Variants in NUMB observed in about 807,000 individuals in gnomAD.
NUMB encodes protein numb homolog.
In NUMB, 29 loss-of-function variants were observed where a neutral mutation model predicts 59.7. That is an observed-to-expected ratio of 0.49 (90% CI 0.36 to 0.66). NUMB has a LOEUF of 0.66. Ranked by LOEUF, NUMB falls within the 30% of genes least tolerant of loss-of-function variation. NUMB has a pLI of 0.00. For synonymous variants in NUMB, 288 were observed against 288.2 expected (o/e 1.00, Z 0.01); for missense variants, 723 against 822.0 (o/e 0.88, Z 1.47).
intron 1 of NUMB, among the ~76,000 whole-genome samples, chr14:73,450,958 C>A (rs894578843): frequency 5.3e-5 from 8 of 151,870 alleles, no homozygotes; most frequent in Non-Finnish European, 1.0e-4. Flanking sequence ...TCAAGACTAG[C>A]CTGAGCAACA....
chr14:73,276,598 T>A lies in NUMB; in HGVS notation c.1936A>T (p.Thr646Ser). Residue 646 changes from threonine (T) to serine (S), a missense_variant, in exon 13 of 13, where the codon ACG (threonine) becomes TCG (serine). Around this residue, in one of 2 missense-constraint regions of NUMB, gnomAD observed 406 missense variants for 385.4 expected, o/e 1.05. Coordinates refer to ENST00000555238, the MANE Select transcript of NUMB (RefSeq NM_001005743.2). ...TNPFSSDLQK[T>S]FEIEL ...ATTGCTTAAAGTTCAATTTCAAACG[T>A]CTTCTGTAAGTCACTGGAGAAAGGG... is the stretch of plus-strand genomic sequence containing the variant. 6.8e-6 allele frequency: 11 copies of A among 1,612,650 alleles called. No individual in the cohort carries two copies. The highest frequency in any genetic ancestry group is 9.3e-6 in the Non-Finnish European group (11 of 1,178,874).
chr14:73,406,279 G>A (rs1436209852), intron 2 of NUMB, among the ~76,000 whole-genome samples: 1 of 127,250 alleles, frequency 7.9e-6, no homozygotes, highest in Non-Finnish European at 1.6e-5. Flanking sequence ...GGTGTGTGAT[G>A]TTCCCCTTCC....
rs1206117998 is a variant in NUMB at position 73,327,197 on chromosome 14, GT to G, written c.127-3994del. Among the ~76,000 whole-genome samples the G allele has an allele frequency of 1.2e-4, 19 of 152,076 alleles. 1 individual carries two copies. Among genetic ancestry groups the G allele is most frequent in the Admixed American group, 1.1e-3 (17 of 15,256 alleles). On this transcript the variant is annotated intron_variant, in intron 4 of 12. Coordinates refer to ENST00000555238, the MANE Select transcript of NUMB (RefSeq NM_001005743.2). Reference sequence around the variant, plus strand: ...GACTCAGTGAAAACATCTAAAATAAGTTCATCATTATTCATACTTTCTCATT... The same window carrying G: ...GACTCAGTGAAAACATCTAAAATAAGTCATCATTATTCATACTTTCTCATT...
At chr14:73,352,068 T>C (rs964508312) in intron 4 of NUMB, among the ~76,000 whole-genome samples, 3 of 152,018 alleles carry the variant, frequency 2.0e-5, no homozygotes, top group Non-Finnish European at 2.9e-5. Flanking sequence ...TAATAAATAA[T>C]GAAAAGAACA....
chr14:73,421,336 C>T (rs925239873), intron 1 of NUMB, among the ~76,000 whole-genome samples: 9 of 152,022 alleles, frequency 5.9e-5, no homozygotes, highest in African/African-American at 2.2e-4. Context: ...AGGCATGCAC[C>T]ACTGCGCCCA....
chr14:73,313,682 A>G (rs901673383), intron 6 of NUMB, among the ~76,000 whole-genome samples: 3 of 151,018 alleles, frequency 2.0e-5, no homozygotes, highest in African/African-American at 7.3e-5. Context: ...AAAAAAAAAA[A>G]AAATCCAAAA....
At chr14:73,414,215 CG>C (rs1897023478) in intron 1 of NUMB, among the ~76,000 whole-genome samples, 1 of 152,082 alleles carries the variant, frequency 6.6e-6, no homozygotes, top group Non-Finnish European at 1.5e-5. Flanking sequence ...CTCAGCCTCC[CG>C]AAGTGCTGGG....
Position 73,279,534 on chromosome 14 carries a change from G to C in NUMB, c.1097-110C>G, listed in dbSNP as rs568100959. 1.1e-3 allele frequency: 1,111 copies of C among 1,031,346 alleles called. 3 individuals are homozygous for C. Among genetic ancestry groups the C allele is most frequent in the Non-Finnish European group, 1.4e-3 (1,002 of 732,972 alleles). The allele number at this position is 1,031,346 out of a possible 1,614,324, so 63.9% of individuals were successfully genotyped here. A position where few individuals can be genotyped will look rare whatever the true frequency, so the allele number is the denominator to read the frequency against. On this transcript the variant is annotated intron_variant, in intron 11 of 12. Transcript: ENST00000555238. ...TGTACAATACTGGTGGAATGGATAA[G>C]AGAGAAGAGTTGATGTTTGGGAAAA...
chr14:73,364,376 C>A (rs910988057), intron 3 of NUMB, among the ~76,000 whole-genome samples: 4 of 151,886 alleles, frequency 2.6e-5, no homozygotes, highest in Non-Finnish European at 4.4e-5. Flanking sequence ...TGGTGATGCC[C>A]GCTTATAGTC....
intron 8 of NUMB, among the ~76,000 whole-genome samples, chr14:73,291,182 G>A (rs1889368959): frequency 6.6e-6 from 1 of 150,830 alleles, no homozygotes; most frequent in African/African-American, 2.4e-5. Flanking sequence ...CTGGGTTCAA[G>A]CGATTCTCGT....
At chr14:73,380,854 A>G (rs1895201603) in intron 2 of NUMB, among the ~76,000 whole-genome samples, 1 of 151,406 alleles carries the variant, frequency 6.6e-6, no homozygotes. Context: ...CCTCCCAAGT[A>G]GCTGGGATTA....
At chr14:73,414,677 G>A (rs551792573) in intron 1 of NUMB, among the ~76,000 whole-genome samples, 1 of 151,992 alleles carries the variant, frequency 6.6e-6, no homozygotes, top group Admixed American at 6.6e-5. Flanking sequence ...ATGAACCATC[G>A]TGCCTGGCCC....
chr14:73,358,602 CTTTTTTTTT>C (rs35552161), intron 3 of NUMB, among the ~76,000 whole-genome samples: 6 of 118,940 alleles, frequency 5.0e-5, no homozygotes, highest in Non-Finnish European at 8.8e-5. Flanking sequence ...GAAAGCTAGA[CTTTTTTTTT>C]TTTTTTTTTT....
rs1891661188 is a variant in NUMB at position 73,326,357 on chromosome 14, TG to T, written c.127-3154del. Reference sequence around the variant, plus strand: ...AAACTAAACTGATGGCCGGTCGCGGTGGGTCACGCCTGTAATCCCAGCACTT... The same window carrying T: ...AAACTAAACTGATGGCCGGTCGCGGTGGTCACGCCTGTAATCCCAGCACTT... On this transcript the variant is annotated intron_variant, in intron 4 of 12. Transcript: ENST00000555238. Among the ~76,000 whole-genome samples the T allele has an allele frequency of 2.6e-5, 4 of 152,222 alleles. No homozygotes were observed. The South Asian group carries it at 8.3e-4, about 32-fold the overall frequency.
intron 1 of NUMB, among the ~76,000 whole-genome samples, chr14:73,449,186 T>C (rs1883754356): frequency 6.6e-6 from 1 of 152,166 alleles, no homozygotes; most frequent in Non-Finnish European, 1.5e-5. Flanking sequence ...ATATTAAGTA[T>C]TATAATTAAT....
chr14:73,367,346 T>TAGAGAGAG lies in NUMB; in HGVS notation c.-100-366_-100-365insCTCTCTCT, dbSNP rs1288750867. On this transcript the variant is annotated intron_variant, in intron 2 of 12. Coordinates refer to ENST00000555238, the MANE Select transcript of NUMB (RefSeq NM_001005743.2). ...ACATATATACATATATATATATATA[T>TAGAGAGAG]ATAGAGAGAGAGAGAGAGAGAGAGA... 8.3e-3 allele frequency among the ~76,000 whole-genome samples: 760 copies of TAGAGAGAG among 91,190 alleles called. 5 individuals carry two copies. Among genetic ancestry groups the TAGAGAGAG allele is most frequent in the East Asian group, 0.039 (123 of 3,114 alleles). The allele number at this position is 91,190 out of a possible 152,430, so 59.8% of individuals were successfully genotyped here.
Position 73,335,432 on chromosome 14 carries a change from A to G in NUMB, c.127-12228T>C, listed in dbSNP as rs574914363. Among the ~76,000 whole-genome samples the G allele has an allele frequency of 1.3e-3, 200 of 152,230 alleles. 1 individual carries two copies. The highest frequency in any genetic ancestry group is 1.5e-3 in the Non-Finnish European group (105 of 68,002). Reference sequence around the variant, plus strand: ...ATTAGACTATGAGAAAAACATGCCCACTGAAATAAACATTATTAAAGAGAT... The same window carrying G: ...ATTAGACTATGAGAAAAACATGCCCGCTGAAATAAACATTATTAAAGAGAT... On this transcript the variant is annotated intron_variant, in intron 4 of 12. Transcript: ENST00000555238.
At position 73,277,293 on chromosome 14, in the gene NUMB, C is replaced by A. The variant is rs1888234893; in HGVS notation, c.1241G>T (p.Gly414Val). 6.3e-7 allele frequency: 1 copy of A among 1,590,894 alleles called. No individual in the cohort carries two copies. ...ACCAGAAGATTGACCCCACTCGGTCCCTGGAACCAACAAGATGAGAGACAA... is the reference window on the plus strand; with the variant it reads ...ACCAGAAGATTGACCCCACTCGGTCACTGGAACCAACAAGATGAGAGACAA... Reference protein sequence around the residue: ...ANKEIAATCSGTEWGQSSGAA... With the variant: ...ANKEIAATCSVTEWGQSSGAA... The change falls in exon 13 of 13, where the codon GGG (glycine) becomes GTG (valine). Residue 414 changes from glycine to valine, a missense_variant and splice_region_variant. Gly to Val is a moderately radical substitution (Grantham distance 109). Around this residue, in one of 2 missense-constraint regions of NUMB, gnomAD observed 406 missense variants for 385.4 expected, o/e 1.05. Transcript: ENST00000555238.
chr14:73,397,996 T>C (rs1268539166), intron 2 of NUMB, among the ~76,000 whole-genome samples: 1 of 152,140 alleles, frequency 6.6e-6, no homozygotes, highest in African/African-American at 2.4e-5. Context: ...GGGCTAGAAG[T>C]GTCTGTTTAC....
Sources: allele counts gnomAD v4.1 joint callset (sites outside exome capture counted in the v4.1 genomes callset), GRCh38; gene constraint gnomAD v4.1.1; regional missense constraint gnomAD v4.1.1; transcripts MANE v1.5; gene names NCBI Gene and HGNC (gene_info 2026-07-23, HGNC 2026-07-21).